YPEL2: variants seen among roughly 807,000 people sequenced by gnomAD.
YPEL2 encodes protein yippee-like 2.
A neutral mutation model predicts 19.1 loss-of-function variants in YPEL2; 2 were observed. The observed-to-expected ratio is 0.10, with a 90% CI of 0.04 to 0.33. The LOEUF is 0.33. Among genes scored for constraint, YPEL2 ranks in the 10% least tolerant of loss-of-function variants. The pLI is 1.00. For missense variants in YPEL2, 66 were observed against 140.7 expected, an observed-to-expected ratio of 0.47 and a Z score of 2.68; for synonymous variants, 52 against 50.0, an observed-to-expected ratio of 1.04 and a Z score of -0.17.
chr17:59,351,248 G>A lies in YPEL2; in HGVS notation c.-195-1967G>A, dbSNP rs376113235. Among the ~76,000 whole-genome samples, 52 of 152,154 alleles carry A rather than the reference G, an allele frequency of 3.4e-4. No individual in the cohort carries two copies. The South Asian group carries it at 0.011, about 32-fold the overall frequency. ...AAATTAGCCAGGCGTGGTGGCGGGCGCCTGTAATTCTAGGTACATGGGAGG... is the reference window on the plus strand; with the variant it reads ...AAATTAGCCAGGCGTGGTGGCGGGCACCTGTAATTCTAGGTACATGGGAGG... On this transcript the variant is annotated intron_variant, in intron 1 of 4. Transcript: ENST00000312655.
chr17:59,382,121 G>A (rs2147953638), intron 2 of YPEL2, among the ~76,000 whole-genome samples: 1 of 152,358 alleles, frequency 6.6e-6, no homozygotes, highest in Middle Eastern at 3.4e-3. Context: ...TGATGGAAAA[G>A]TCTTCCAGAA....
At chr17:59,364,368 G>A (rs1046701345) in intron 2 of YPEL2, among the ~76,000 whole-genome samples, 7 of 152,154 alleles carry the variant, frequency 4.6e-5, no homozygotes, top group Non-Finnish European at 8.8e-5. Context: ...AGTGTCAAGC[G>A]CTGTGATCTT....
At chr17:59,373,520 T>G (rs2047906581) in intron 2 of YPEL2, among the ~76,000 whole-genome samples, 1 of 152,216 alleles carries the variant, frequency 6.6e-6, no homozygotes, top group Non-Finnish European at 1.5e-5. Flanking sequence ...TTAGACTTAA[T>G]GTATTTTAGT....
At chr17:59,350,667 C>T (rs939121139) in intron 1 of YPEL2, among the ~76,000 whole-genome samples, 3 of 152,174 alleles carry the variant, frequency 2.0e-5, no homozygotes, top group East Asian at 1.9e-4. Context: ...GAATAAGTTT[C>T]GGGATTCAGA....
intron 2 of YPEL2, among the ~76,000 whole-genome samples, chr17:59,385,484 AG>A (rs1483054201): frequency 1.2e-4 from 19 of 152,190 alleles, no homozygotes; most frequent in African/African-American, 4.3e-4. Context: ...AGGTTGAGGC[AG>A]AAGGATCACT....
At chr17:59,389,280 AT>A in intron 3 of YPEL2, 79 bp from the exon 4 acceptor site, 3 of 1,331,896 alleles carry the variant, frequency 2.3e-6, no homozygotes, top group Non-Finnish European at 2.1e-6. Flanking sequence ...TTCCCAGTTA[AT>A]TTTTGCTGGA....
chr17:59,383,490 C>T (rs1376859232), intron 2 of YPEL2, among the ~76,000 whole-genome samples: 7 of 141,438 alleles, frequency 4.9e-5, no homozygotes, highest in African/African-American at 1.0e-4. Context: ...CCCAGCTACT[C>T]GGGAGGCTGA....
chr17:59,359,695 C>A (rs1030828392), intron 2 of YPEL2, among the ~76,000 whole-genome samples: 1 of 151,966 alleles, frequency 6.6e-6, no homozygotes, highest in Non-Finnish European at 1.5e-5. Flanking sequence ...GAATAAAATT[C>A]GAGTATGTTT....
chr17:59,359,643 C>T (rs963622817), intron 2 of YPEL2, among the ~76,000 whole-genome samples: 1 of 152,090 alleles, frequency 6.6e-6, no homozygotes, highest in African/African-American at 2.4e-5. Flanking sequence ...TTTTGATATT[C>T]AGTGGATATA....
intron 4 of YPEL2, among the ~76,000 whole-genome samples, chr17:59,390,812 A>T (rs1321336572): frequency 6.6e-6 from 1 of 152,164 alleles, no homozygotes; most frequent in Admixed American, 6.5e-5. Flanking sequence ...AGAACCATCT[A>T]GGCAGCTAGA....
Position 59,363,310 on chromosome 17 carries a change from T to C in YPEL2, c.117+9784T>C, listed in dbSNP as rs201987306. 1,280 of 152,338 alleles carry C rather than the reference T, an allele frequency of 8.4e-3. 22 individuals are homozygous for C. Among genetic ancestry groups the C allele is most frequent in the African/African-American group, 0.03 (1,206 of 39,918 alleles). The allele number at this position is 152,338 out of a possible 1,614,324, so 9.4% of individuals were successfully genotyped here. ...CCTAAAGACTTACCCTTTTTTTTTT[T>C]CTTTTTTTTTTTTTTGAGATGGAGT... On this transcript the variant is annotated intron_variant, in intron 2 of 4. Transcript: ENST00000312655.
chr17:59,397,012 CAG>C (rs1365079544), intron 4 of YPEL2, 87 bp from the exon 5 acceptor site: 3 of 924,454 alleles, frequency 3.2e-6, no homozygotes, highest in Non-Finnish European at 4.7e-6. Context: ...GCCTGGGTGA[CAG>C]AGTGAGACTG....
At chr17:59,393,434 C>T (rs952025572) in intron 4 of YPEL2, among the ~76,000 whole-genome samples, 18 of 149,930 alleles carry the variant, frequency 1.2e-4, no homozygotes, top group African/African-American at 3.4e-4. Flanking sequence ...CACGCCTGGC[C>T]GAATTTTTTT....
intron 4 of YPEL2, among the ~76,000 whole-genome samples, chr17:59,390,247 C>T (rs1176140767): frequency 6.6e-6 from 1 of 152,082 alleles, no homozygotes; most frequent in Non-Finnish European, 1.5e-5. Context: ...GGTGATCCAC[C>T]CCCGTCAGGC....
chr17:59,395,883 C>T (rs951331165), intron 4 of YPEL2, among the ~76,000 whole-genome samples: 1 of 152,090 alleles, frequency 6.6e-6, no homozygotes. Context: ...TTGAGACCAT[C>T]CTGGCTAACA....
chr17:59,385,768 T>G (rs573570295), intron 2 of YPEL2, among the ~76,000 whole-genome samples: 1 of 152,330 alleles, frequency 6.6e-6, no homozygotes, highest in South Asian at 2.1e-4. Context: ...ACTCATCCAA[T>G]AGTACACTTC....
chr17:59,352,287 C>T (rs186033557), intron 1 of YPEL2, among the ~76,000 whole-genome samples: 1 of 152,300 alleles, frequency 6.6e-6, no homozygotes, highest in East Asian at 1.9e-4. Flanking sequence ...AGGTGAGCCA[C>T]AGAGAAGCAG....
At chr17:59,339,839 A>AC (rs1462836525) in intron 1 of YPEL2, among the ~76,000 whole-genome samples, 1 of 151,718 alleles carries the variant, frequency 6.6e-6, no homozygotes, top group Non-Finnish European at 1.5e-5. Flanking sequence ...TTGAGATATG[A>AC]CCCCTCATAG....
At chr17:59,362,829 A>G (rs2047848149) in intron 2 of YPEL2, 1 of 152,240 alleles carries the variant, frequency 6.6e-6, no homozygotes, top group Admixed American at 6.5e-5. Context: ...GGCCTCTGGA[A>G]TGGTAAATCT....
Sources: gnomAD v4.1 joint callset for allele counts (sites outside exome capture counted in the v4.1 genomes callset) on GRCh38, gnomAD v4.1.1 for gene constraint, MANE v1.5 for transcripts, NCBI Gene and HGNC (gene_info 2026-07-23, HGNC 2026-07-21) for gene names.